FBXL5: variants seen among roughly 807,000 people sequenced by gnomAD.
FBXL5 encodes F-box/LRR-repeat protein 5.
Under a neutral mutation model 78.3 loss-of-function variants are expected in FBXL5, and 26 were observed. The observed-to-expected ratio is 0.33, with a 90% CI of 0.24 to 0.46. The LOEUF is 0.46. Among genes scored for constraint, FBXL5 ranks in the 20% least tolerant of loss-of-function variants. FBXL5 has a pLI of 1.00. For missense variants in FBXL5, 710 were observed against 829.2 expected (o/e 0.86, Z 1.77); for synonymous variants, 295 against 282.5 (o/e 1.04, Z -0.45).
chr4:15,607,191 T>C (rs1346406005), intron 10 of FBXL5, among the ~76,000 whole-genome samples: 1 of 152,140 alleles, frequency 6.6e-6, no homozygotes, highest in Non-Finnish European at 1.5e-5. Context: ...GAATGAGCAA[T>C]GGTATAGATG....
intron 1 of FBXL5, among the ~76,000 whole-genome samples, chr4:15,674,421 T>C (rs184211173): frequency 6.6e-6 from 1 of 152,252 alleles, no homozygotes; most frequent in East Asian, 1.9e-4. Context: ...TATGAATACA[T>C]AGCACACTCA....
intron 9 of FBXL5, among the ~76,000 whole-genome samples, chr4:15,624,616 A>AT (rs1712822771): frequency 6.6e-6 from 1 of 150,742 alleles, no homozygotes; most frequent in Non-Finnish European, 1.5e-5. Context: ...AAAAAAAAAA[A>AT]GTCGGTTTAA....
chr4:15,627,131 C>CTT lies in FBXL5; in HGVS notation c.1042-178_1042-177dup, dbSNP rs33920814. ...TCTGGGCTCAAATCCCTGAGAATCTCTTTTTTTTTTTTTTTTTTTTTGAGA... is the reference window on the plus strand; with the variant it reads ...TCTGGGCTCAAATCCCTGAGAATCTCTTTTTTTTTTTTTTTTTTTTTTTGAGA... On this transcript the variant is annotated intron_variant, in intron 7 of 10. Transcript: ENST00000341285. Among the ~76,000 whole-genome samples the CTT allele has an allele frequency of 1.4e-3, 123 of 87,818 alleles. 2 individuals are homozygous for CTT. Among genetic ancestry groups the CTT allele is most frequent in the South Asian group, 3.4e-3 (8 of 2,324 alleles). The allele number at this position is 87,818 out of a possible 152,430, so 57.6% of individuals were successfully genotyped here.
At chr4:15,639,105 G>C (rs55885788) in intron 3 of FBXL5, among the ~76,000 whole-genome samples, 36,859 of 152,104 alleles carry the variant, frequency 0.24, 4,722 homozygotes, top group African/African-American at 0.28. Context: ...CAGAGGTTGC[G>C]GCGAGCCGAT....
chr4:15,644,637 C>G lies in FBXL5; in HGVS notation c.156G>C (p.Lys52Asn). 1 of 1,614,054 alleles carries G rather than the reference C, an allele frequency of 6.2e-7. No individual in the cohort carries two copies. The highest frequency in any genetic ancestry group is 8.5e-7 in the Non-Finnish European group (1 of 1,180,006). The change falls in exon 2 of 11, where the codon AAG (lysine) becomes AAC (asparagine). Residue 52 changes from lysine to asparagine, a missense_variant. Around this residue, in one of 4 missense-constraint regions of FBXL5, gnomAD observed 132 missense variants for 156.9 expected, o/e 0.84. Coordinates refer to ENST00000341285, the MANE Select transcript of FBXL5 (RefSeq NM_012161.4). Reference protein sequence around the residue: ...ALLQSLYATFKEFKMHEQIEN... With the variant: ...ALLQSLYATFNEFKMHEQIEN... ...CAATCTGCTCATGCATTTTGAACTC[C>G]TTGAAAGTAGCATACAAAGACTGCA...
At chr4:15,622,229 G>T (rs1712558252) in intron 9 of FBXL5, among the ~76,000 whole-genome samples, 1 of 152,112 alleles carries the variant, frequency 6.6e-6, no homozygotes, top group Admixed American at 6.6e-5. Flanking sequence ...TACACTGAAT[G>T]CTCCCAACTG....
intron 1 of FBXL5, among the ~76,000 whole-genome samples, chr4:15,667,258 A>T (rs1717587875): frequency 6.6e-6 from 1 of 152,208 alleles, no homozygotes; most frequent in South Asian, 2.1e-4. Context: ...GCAGTCCATG[A>T]GAAAACATGT....
intron 1 of FBXL5, among the ~76,000 whole-genome samples, chr4:15,666,923 G>A (rs929757402): frequency 2.0e-5 from 3 of 151,550 alleles, no homozygotes; most frequent in Admixed American, 6.6e-5. Flanking sequence ...TTAGCTTGAT[G>A]TAATCATTCC....
upstream of FBXL5, among the ~76,000 whole-genome samples, chr4:15,656,576 G>T (rs1443788500): frequency 6.6e-6 from 1 of 152,170 alleles, no homozygotes; most frequent in East Asian, 1.9e-4. Flanking sequence ...ACCCTATTTA[G>T]TTCTAATCTT....
At chr4:15,679,304 G>A (rs565647791) in intron 1 of FBXL5, among the ~76,000 whole-genome samples, 5 of 151,840 alleles carry the variant, frequency 3.3e-5, no homozygotes, top group South Asian at 2.1e-4. Context: ...CACCCGCTTC[G>A]GCCTCTCAAA....
chr4:15,660,756 T>C (rs186305270), upstream of FBXL5, among the ~76,000 whole-genome samples: 9 of 152,282 alleles, frequency 5.9e-5, no homozygotes, highest in Non-Finnish European at 1.2e-4. Context: ...TTAAGGGAAA[T>C]CTGTCACCAG....
chr4:15,656,013 C>G (rs16892232), upstream of FBXL5, among the ~76,000 whole-genome samples: 16,920 of 152,206 alleles, frequency 0.11, 986 homozygotes, highest in Non-Finnish European at 0.13. Context: ...AGAGAGTTCT[C>G]GTGAAATTCG....
chr4:15,628,672 A>T (rs1713308984), intron 6 of FBXL5, among the ~76,000 whole-genome samples: 2 of 151,856 alleles, frequency 1.3e-5, no homozygotes, highest in South Asian at 4.1e-4. Context: ...ATTTAAAACA[A>T]AACTAAGTAT....
rs375637658 is a variant in FBXL5 at position 15,644,538 on chromosome 4, G to A, written c.255C>T (p.Leu85=). ...TIYNVHSDNK[L]SEMLSLFEKG... ...TTTCAAAGAGGCTAAGCATCTCGGA[G>A]AGTTTATTGTCAGAATGTACATTAT... Residue 85 remains leucine, a synonymous_variant, in exon 2 of 11, where the codon CTC becomes CTT. Coordinates refer to ENST00000341285, the MANE Select transcript of FBXL5 (RefSeq NM_012161.4). 2 of 1,613,840 alleles carry A rather than the reference G, an allele frequency of 1.2e-6. No homozygotes were observed. Among genetic ancestry groups the A allele is most frequent in the African/African-American group, 2.7e-5 (2 of 74,916 alleles).
At chr4:15,631,128 T>G (rs560068698) in intron 5 of FBXL5, among the ~76,000 whole-genome samples, 2 of 152,280 alleles carry the variant, frequency 1.3e-5, no homozygotes, top group African/African-American at 4.8e-5. Flanking sequence ...CCAAGTGTTC[T>G]CTTTGTTCAA....
intron 1 of FBXL5, among the ~76,000 whole-genome samples, chr4:15,653,457 C>G (rs1484895602): frequency 1.3e-5 from 2 of 152,054 alleles, no homozygotes; most frequent in Non-Finnish European, 2.9e-5. Context: ...AATTGTGATT[C>G]TTTATTTTGG....
chr4:15,640,610 GAAAAC>G (rs748848360), intron 3 of FBXL5, among the ~76,000 whole-genome samples, 173 bp downstream of exon 3: 10 of 151,422 alleles, frequency 6.6e-5, no homozygotes, highest in South Asian at 6.2e-4. Context: ...ACCTTTCTGA[GAAAAC>G]AAAACAAACG....
intron 2 of FBXL5, among the ~76,000 whole-genome samples, chr4:15,644,276 TACTGTATTC>T (rs1560233863): frequency 6.6e-6 from 1 of 152,216 alleles, no homozygotes; most frequent in Non-Finnish European, 1.5e-5. Flanking sequence ...TACTTGTCCT[TACTGTATTC>T]ACCGTCGGGA....
intron 1 of FBXL5, among the ~76,000 whole-genome samples, chr4:15,675,687 T>C (rs147354978): frequency 6.7e-6 from 1 of 149,910 alleles, no homozygotes; most frequent in Non-Finnish European, 1.5e-5. Flanking sequence ...GTTCGAGCAA[T>C]TCTCCTGCCT....
Sources: allele counts gnomAD v4.1 joint callset (sites outside exome capture counted in the v4.1 genomes callset), GRCh38; gene constraint gnomAD v4.1.1; regional missense constraint gnomAD v4.1.1; transcripts MANE v1.5; gene names NCBI Gene and HGNC (gene_info 2026-07-23, HGNC 2026-07-21).